Variants in RNU7-1 observed in about 807,000 individuals in gnomAD.
RNU7-1 encodes the protein RNA, small nuclear U7.
chr12:6,943,856 T>C lies in RNU7-1; in HGVS notation n.41T>C, dbSNP rs782444004. ...TTTAGAATTTGTCTAGTAGGCTTTC[T>C]GGCTTTTTACCGGAAAGCCCCTCTT... On this transcript the variant is annotated non_coding_transcript_exon_variant, in exon 1 of 1. Transcript: ENST00000458811. The C allele has an allele frequency of 3.3e-4, 306 of 932,388 alleles. 4 individuals carry two copies. The highest frequency in any genetic ancestry group is 3.1e-3 in the South Asian group (177 of 56,842). The allele number at this position is 932,388 out of a possible 1,614,324, so 57.8% of individuals were successfully genotyped here. A position where few individuals can be genotyped will look rare whatever the true frequency, so the allele number is the denominator to read the frequency against.
At chr12:6,943,871 A>C (rs948467413) in exon 1 of RNU7-1, 12 of 955,382 alleles carry the variant, frequency 1.3e-5, no homozygotes, top group East Asian at 3.0e-5. Context: ...TTTTACCGGA[A>C]AGCCCCTCTT....
At chr12:6,943,849 G>T (rs782586264) in exon 1 of RNU7-1, 3 of 890,604 alleles carry the variant, frequency 3.4e-6, no homozygotes, top group Middle Eastern at 3.6e-4. Context: ...TTGTCTAGTA[G>T]GCTTTCTGGC....
rs74057226 is a variant in RNU7-1 at position 6,943,863 on chromosome 12, T to A, written n.48T>A. 3.2e-6 allele frequency: 3 copies of A among 938,858 alleles called. No homozygotes were observed. In the South Asian group the frequency reaches 5.2e-5, roughly 16 times the overall value. The allele number at this position is 938,858 out of a possible 1,614,324, so 58.2% of individuals were successfully genotyped here. A position where few individuals can be genotyped will look rare whatever the true frequency, so the allele number is the denominator to read the frequency against. On this transcript the variant is annotated non_coding_transcript_exon_variant, in exon 1 of 1. Coordinates refer to ENST00000458811, the Ensembl canonical transcript of RNU7-1. ...TTTGTCTAGTAGGCTTTCTGGCTTT[T>A]TACCGGAAAGCCCCTCTTATGATGT...
chr12:6,943,824 C>G (rs1042541494), exon 1 of RNU7-1: 3 of 857,344 alleles, frequency 3.5e-6, no homozygotes, highest in Admixed American at 3.3e-5. Flanking sequence ...AGCAGTGTTA[C>G]AGCTCTTTTA....
exon 1 of RNU7-1, chr12:6,943,872 A>G (rs1945696667): frequency 8.4e-6 from 8 of 957,624 alleles, no homozygotes; most frequent in South Asian, 3.5e-5. Flanking sequence ...TTTACCGGAA[A>G]GCCCCTCTTA....
exon 1 of RNU7-1, chr12:6,943,828 T>C (rs781988301): frequency 9.3e-6 from 8 of 862,980 alleles, no homozygotes; most frequent in Non-Finnish European, 6.6e-6. Context: ...GTGTTACAGC[T>C]CTTTTAGAAT....
chr12:6,943,869 G>GAAAGCCCCTCTTATGATGTTTGTTGCC (rs1945696382), exon 1 of RNU7-1: 1 of 953,344 alleles, frequency 1.0e-6, no homozygotes, highest in South Asian at 1.7e-5. Context: ...CTTTTTACCG[G>GAAAGCCCCTCTTATGATGTTTGTTGCC]AAAGCCCCTC....
In RNU7-1 at chr12:6,943,859, C is replaced by T. The variant is rs7965269; in HGVS notation, n.44C>T. 0.34 allele frequency: 319,022 copies of T among 936,706 alleles called. 62,021 individuals are homozygous for T. Among genetic ancestry groups the T allele is most frequent in the African/African-American group, 0.8 (47,270 of 59,418 alleles). The allele number at this position is 936,706 out of a possible 1,614,324, so 58.0% of individuals were successfully genotyped here. On this transcript the variant is annotated non_coding_transcript_exon_variant, in exon 1 of 1. Coordinates refer to ENST00000458811, the Ensembl canonical transcript of RNU7-1. Reference sequence around the variant, plus strand: ...AGAATTTGTCTAGTAGGCTTTCTGGCTTTTTACCGGAAAGCCCCTCTTATG... The same window carrying T: ...AGAATTTGTCTAGTAGGCTTTCTGGTTTTTTACCGGAAAGCCCCTCTTATG...
chr12:6,943,872 AG>A (rs1234251737), exon 1 of RNU7-1: 6 of 957,506 alleles, frequency 6.3e-6, no homozygotes, highest in Admixed American at 3.1e-5. Flanking sequence ...TTTACCGGAA[AG>A]CCCCTCTTAT....
At chr12:6,943,832 TTAGAA>T (rs1945692922) in exon 1 of RNU7-1, 1 of 871,660 alleles carries the variant, frequency 1.1e-6, no homozygotes, top group Non-Finnish European at 1.6e-6. Context: ...TACAGCTCTT[TTAGAA>T]TTTGTCTAGT....
rs116861153 is a variant in RNU7-1, at chr12:6,943,851, C to T, written n.36C>T. 3.0e-3 allele frequency: 2,730 copies of T among 900,868 alleles called. 15 individuals are homozygous for T. Among genetic ancestry groups the T allele is most frequent in the African/African-American group, 0.014 (827 of 58,670 alleles). The allele number at this position is 900,868 out of a possible 1,614,324, so 55.8% of individuals were successfully genotyped here. A position where few individuals can be genotyped will look rare whatever the true frequency, so the allele number is the denominator to read the frequency against. On this transcript the variant is annotated non_coding_transcript_exon_variant, in exon 1 of 1. Coordinates refer to ENST00000458811, the Ensembl canonical transcript of RNU7-1. ...GCTCTTTTAGAATTTGTCTAGTAGG[C>T]TTTCTGGCTTTTTACCGGAAAGCCC...
At chr12:6,943,829 CT>C (rs1945692407) in exon 1 of RNU7-1, 3 of 871,730 alleles carry the variant, frequency 3.4e-6, no homozygotes, top group Non-Finnish European at 4.9e-6. Flanking sequence ...TGTTACAGCT[CT>C]TTTAGAATTT....
At chr12:6,943,834 A>G (rs952613313) in exon 1 of RNU7-1, 20 of 868,326 alleles carry the variant, frequency 2.3e-5, no homozygotes, top group Admixed American at 1.3e-4. Context: ...CAGCTCTTTT[A>G]GAATTTGTCT....
chr12:6,943,873 G>A lies in RNU7-1; in HGVS notation n.58G>A, dbSNP rs745850647. 5.6e-4 allele frequency: 541 copies of A among 966,076 alleles called. No individual in the cohort carries two copies. The highest frequency in any genetic ancestry group is 7.0e-4 in the Non-Finnish European group (477 of 685,570). The allele number at this position is 966,076 out of a possible 1,614,324, so 59.8% of individuals were successfully genotyped here. A position where few individuals can be genotyped will look rare whatever the true frequency, so the allele number is the denominator to read the frequency against. On this transcript the variant is annotated non_coding_transcript_exon_variant, in exon 1 of 1. Coordinates refer to ENST00000458811, the Ensembl canonical transcript of RNU7-1. ...AGGCTTTCTGGCTTTTTACCGGAAA[G>A]CCCCTCTTATGATGTTTGTTGCCAA...
chr12:6,943,844 T>A (rs185860337), exon 1 of RNU7-1: 40 of 891,430 alleles, frequency 4.5e-5, no homozygotes, highest in Admixed American at 2.2e-4. Flanking sequence ...AGAATTTGTC[T>A]AGTAGGCTTT....
chr12:6,943,825 A>G (rs906666170), exon 1 of RNU7-1: 6 of 853,868 alleles, frequency 7.0e-6, no homozygotes, highest in South Asian at 3.6e-5. Context: ...GCAGTGTTAC[A>G]GCTCTTTTAG....
exon 1 of RNU7-1, chr12:6,943,847 T>A: frequency 2.2e-6 from 2 of 901,132 alleles, no homozygotes; most frequent in Non-Finnish European, 3.1e-6. Context: ...ATTTGTCTAG[T>A]AGGCTTTCTG....
chr12:6,943,873 G>T, exon 1 of RNU7-1: 5 of 966,078 alleles, frequency 5.2e-6, no homozygotes, highest in Non-Finnish European at 7.3e-6. Flanking sequence ...TTACCGGAAA[G>T]CCCCTCTTAT....
chr12:6,943,860 T>A lies in RNU7-1; in HGVS notation n.45T>A, dbSNP rs781874734. 194 of 932,924 alleles carry A rather than the reference T, an allele frequency of 2.1e-4. No homozygotes were observed. In the Middle Eastern group the frequency reaches 2.5e-3, roughly 12 times the overall value. 57.8% of individuals were successfully genotyped at this position (932,924 alleles called of 1,614,324 possible). On this transcript the variant is annotated non_coding_transcript_exon_variant, in exon 1 of 1. Transcript: ENST00000458811. ...GAATTTGTCTAGTAGGCTTTCTGGC[T>A]TTTTACCGGAAAGCCCCTCTTATGA...
Sources: gnomAD v4.1 joint callset for allele counts on GRCh38, gnomAD v4.1.1 for gene constraint, MANE v1.5 for transcripts, NCBI Gene and HGNC (gene_info 2026-07-23, HGNC 2026-07-21) for gene names.